ITGB5: variants seen among roughly 807,000 people sequenced by gnomAD.
The protein encoded by ITGB5 is integrin subunit beta 5, also known as integrin beta-5.
In ITGB5, 38 loss-of-function variants were observed where a neutral mutation model predicts 84.8. The ratio of observed to expected loss-of-function variants is 0.45; its 90% CI spans 0.35 to 0.59. The LOEUF is 0.59. Ranked by LOEUF, ITGB5 falls within the 20% of genes least tolerant of loss-of-function variation. ITGB5 has a pLI of 0.01. For missense variants in ITGB5, 905 were observed against 1,034.5 expected (o/e 0.87, Z 1.72); for synonymous variants, 393 against 414.4 (o/e 0.95, Z 0.63).
chr3:124,844,932 C>T (rs1413866394), intron 4 of ITGB5, among the ~76,000 whole-genome samples: 1 of 152,184 alleles, frequency 6.6e-6, no homozygotes, highest in Non-Finnish European at 1.5e-5. Context: ...AAAAACTAGT[C>T]CCACGGTGAA....
At chr3:124,887,566 CTACGGGCCCAG>C (rs1170144327), upstream of ITGB5, 2 of 286,422 alleles carry the variant, frequency 7.0e-6, no homozygotes, top group African/African-American at 4.5e-5. Flanking sequence ...CGCGGAGGCC[CTACGGGCCCAG>C]GTGGAAGTCG....
chr3:124,838,127 G>A (rs541001493), intron 5 of ITGB5, among the ~76,000 whole-genome samples: 29 of 151,588 alleles, frequency 1.9e-4, no homozygotes, highest in African/African-American at 6.0e-4. Context: ...CTGGTCATGA[G>A]TTAGTAATCA....
At position 124,898,773 on chromosome 3, in the gene ITGB5, T is replaced by TAAAA. The variant is rs36079714; in HGVS notation, c.-255+2489_-255+2492dup. 8.2e-4 allele frequency among the ~76,000 whole-genome samples: 90 copies of TAAAA among 109,708 alleles called. 4 individuals are homozygous for TAAAA. Among genetic ancestry groups the TAAAA allele is most frequent in the African/African-American group, 3.0e-3 (83 of 27,738 alleles). 72.0% of individuals were successfully genotyped at this position (109,708 alleles called of 152,430 possible). On this transcript the variant is annotated intron_variant, in intron 1 of 4. Coordinates refer to the ITGB5 transcript ENST00000608657. ...AGCAAAACCGCAAAACCCCATGTCT[T>TAAAA]AAAAAAAAAAAAAAAAAAAAGGCCG... is the stretch of plus-strand genomic sequence containing the variant.
intron 12 of ITGB5, 43 bp from the exon 13 acceptor site, chr3:124,766,388 A>G (rs2291081): frequency 0.17 from 270,745 of 1,604,918 alleles, 23,889 homozygotes; most frequent in Admixed American, 0.29. Context: ...CTCTCTGAGC[A>G]GCCCACAGCC....
intron 1 of ITGB5, among the ~76,000 whole-genome samples, chr3:124,879,793 G>A (rs1018965981): frequency 2.0e-5 from 3 of 152,048 alleles, no homozygotes; most frequent in Non-Finnish European, 2.9e-5. Flanking sequence ...AATGAAAGAG[G>A]GATATTCGTA....
At chr3:124,818,716 G>GA in intron 7 of ITGB5, among the ~76,000 whole-genome samples, 1 of 152,052 alleles carries the variant, frequency 6.6e-6, no homozygotes, top group East Asian at 1.9e-4. Context: ...AACAAAAAAA[G>GA]AAAAACAATC....
chr3:124,771,832 A>ATAAT (rs1337015020), intron 11 of ITGB5, among the ~76,000 whole-genome samples: 4 of 151,790 alleles, frequency 2.6e-5, no homozygotes, highest in African/African-American at 9.7e-5. Flanking sequence ...TGTGTAATGA[A>ATAAT]TAATAAATTA....
intron 2 of ITGB5, among the ~76,000 whole-genome samples, chr3:124,864,643 T>C (rs1356369676): frequency 1.3e-5 from 2 of 152,066 alleles, no homozygotes; most frequent in African/African-American, 2.4e-5. Flanking sequence ...GGAGAGTTTA[T>C]GGGTCGAAAA....
upstream of ITGB5, among the ~76,000 whole-genome samples, chr3:124,889,428 T>C (rs1934946806): frequency 6.6e-6 from 1 of 152,182 alleles, no homozygotes; most frequent in Non-Finnish European, 1.5e-5. Context: ...GTCTCATGTC[T>C]CCCTAAAACG....
chr3:124,836,725 G>C (rs2064940162), intron 5 of ITGB5, among the ~76,000 whole-genome samples: 1 of 152,126 alleles, frequency 6.6e-6, no homozygotes, highest in African/African-American at 2.4e-5. Flanking sequence ...CCTCCAACAA[G>C]AATCACGGCT....
intron 3 of ITGB5, among the ~76,000 whole-genome samples, chr3:124,851,716 G>C (rs902250375): frequency 5.9e-5 from 9 of 152,054 alleles, no homozygotes; most frequent in Non-Finnish European, 1.2e-4. Context: ...GAAAGAGAGG[G>C]ATGTAAGAAA....
In ITGB5 at chr3:124,848,873, A is replaced by C. The variant is rs141864894; in HGVS notation, c.362-315T>G. On this transcript the variant is annotated intron_variant, in intron 3 of 14. Coordinates refer to ENST00000296181, the MANE Select transcript of ITGB5 (RefSeq NM_002213.5). Reference sequence around the variant, plus strand: ...TGGCTCACTGCAACCTCTGCCTACCAGGTTCAAGCGATTCTCATGCCTCAG... The same window carrying C: ...TGGCTCACTGCAACCTCTGCCTACCCGGTTCAAGCGATTCTCATGCCTCAG... 6.4e-3 allele frequency among the ~76,000 whole-genome samples: 973 copies of C among 152,134 alleles called. 8 individuals carry two copies. Among genetic ancestry groups the C allele is most frequent in the African/African-American group, 0.022 (900 of 41,506 alleles).
rs188690579 is a variant in ITGB5 at position 124,896,588 on chromosome 3, T to A, written c.-255+4678A>T. On this transcript the variant is annotated intron_variant, in intron 1 of 4. Coordinates refer to the ITGB5 transcript ENST00000608657. ...GGCAATATGGTGAAAGCTCGTCTCA[T>A]GAAAAATTAGCCAGGCACAGTAATG... Among the ~76,000 whole-genome samples, 14 of 151,294 alleles carry A rather than the reference T, an allele frequency of 9.3e-5. No homozygotes were observed. In the East Asian group the frequency reaches 2.4e-3, roughly 25 times the overall value.
chr3:124,886,693 A>T (rs1445806301), intron 1 of ITGB5, among the ~76,000 whole-genome samples: 1 of 151,688 alleles, frequency 6.6e-6, no homozygotes, highest in Non-Finnish European at 1.5e-5. Context: ...GCCTGTTTAC[A>T]CAGGAAGGGA....
chr3:124,892,479 C>T (rs1167363799), upstream of ITGB5, among the ~76,000 whole-genome samples: 1 of 147,574 alleles, frequency 6.8e-6, no homozygotes, highest in Non-Finnish European at 1.5e-5. Context: ...TGCTTGAGTC[C>T]AGGAGTTCGA....
In ITGB5 at chr3:124,763,533, G is replaced by T; in HGVS notation, c.*90C>A. On this transcript the variant is annotated 3_prime_UTR_variant, in exon 15 of 15. Transcript: ENST00000296181. ...GGTCTTCTCTGTGGTGCCTACCTAGGGAGCTGTGATCAAGCCGAGCAGCCG... is the reference window on the plus strand; with the variant it reads ...GGTCTTCTCTGTGGTGCCTACCTAGTGAGCTGTGATCAAGCCGAGCAGCCG... 2.7e-6 allele frequency: 2 copies of T among 745,982 alleles called. No individual in the cohort carries two copies. The allele number at this position is 745,982 out of a possible 1,614,324, so 46.2% of individuals were successfully genotyped here. A position where few individuals can be genotyped will look rare whatever the true frequency, so the allele number is the denominator to read the frequency against.
chr3:124,790,621 G>A (rs1297765184), intron 10 of ITGB5, among the ~76,000 whole-genome samples: 12 of 152,146 alleles, frequency 7.9e-5, no homozygotes, highest in Admixed American at 2.0e-4. Context: ...TAAATCGGCC[G>A]GGAACTGTTA....
chr3:124,777,027 T>C (rs1176443156), intron 10 of ITGB5, among the ~76,000 whole-genome samples: 1 of 152,182 alleles, frequency 6.6e-6, no homozygotes, highest in Non-Finnish European at 1.5e-5. Flanking sequence ...GCCTAGCTGC[T>C]TTAAGTATGT....
chr3:124,837,038 C>T (rs2064944498), intron 5 of ITGB5, among the ~76,000 whole-genome samples: 3 of 152,024 alleles, frequency 2.0e-5, no homozygotes, highest in African/African-American at 4.8e-5. Context: ...TTCTGGCTGA[C>T]GAAAAAAAGC....
Sources: gnomAD v4.1 joint callset for allele counts (sites outside exome capture counted in the v4.1 genomes callset) on GRCh38, gnomAD v4.1.1 for gene constraint, MANE v1.5 for transcripts, NCBI Gene and HGNC (gene_info 2026-07-23, HGNC 2026-07-21) for gene names.